Variants in PALD1 observed in about 807,000 individuals in gnomAD.
PALD1 encodes the protein phosphatase domain containing paladin 1.
In PALD1, 57 loss-of-function variants were observed where a neutral mutation model predicts 96.0. That is an observed-to-expected ratio of 0.59 (90% CI 0.48 to 0.74). PALD1 has a LOEUF of 0.74. Among genes scored for constraint, PALD1 ranks in the 30% least tolerant of loss-of-function variants. The pLI, the probability that PALD1 is intolerant of heterozygous loss-of-function variation, is 0.00. For synonymous variants in PALD1, 464 were observed against 473.6 expected (o/e 0.98, Z 0.26); for missense variants, 1,063 against 1,143.7 (o/e 0.93, Z 1.02).
intron 1 of PALD1, among the ~76,000 whole-genome samples, chr10:70,490,179 T>C (rs570130069): frequency 3.3e-5 from 5 of 152,100 alleles, no homozygotes; most frequent in African/African-American, 9.6e-5. Flanking sequence ...TGCCTCGGCC[T>C]CCCATAATGC....
intron 1 of PALD1, among the ~76,000 whole-genome samples, chr10:70,480,039 G>A (rs1589165709): frequency 6.6e-6 from 1 of 152,236 alleles, no homozygotes; most frequent in Non-Finnish European, 1.5e-5. Context: ...TGTAGGCTGC[G>A]AGAGTGCCAG....
At chr10:70,545,419 A>G (rs1393293164) in intron 17 of PALD1, among the ~76,000 whole-genome samples, 1 of 151,614 alleles carries the variant, frequency 6.6e-6, no homozygotes, top group Non-Finnish European at 1.5e-5. Context: ...ACTGCTGTGG[A>G]GGCAAAGGGG....
intron 1 of PALD1, among the ~76,000 whole-genome samples, chr10:70,510,436 G>A (rs1846488961): frequency 6.6e-6 from 1 of 152,166 alleles, no homozygotes; most frequent in Non-Finnish European, 1.5e-5. Flanking sequence ...GTGAGCACAT[G>A]AGCATTCCAG....
chr10:70,547,371 G>A lies in PALD1; in HGVS notation c.2187G>A (p.Ala729=), dbSNP rs768790443. Residue 729 remains alanine, a synonymous_variant, in exon 18 of 20, where the codon GCG becomes GCA. Coordinates refer to ENST00000263563, the MANE Select transcript of PALD1 (RefSeq NM_014431.3). ...GHRVKKEVDA[A]LDTVSETMTP... is the part of the protein sequence containing the mutation. ...GTGTGAAGAAGGAGGTGGACGCAGC[G>A]CTGGACACTGTCAGCGAGACCATGA... is the stretch of plus-strand genomic sequence containing the variant. 21 of 1,612,154 alleles carry A rather than the reference G, an allele frequency of 1.3e-5. No homozygotes were observed. The South Asian group carries it at 1.6e-4, about 13-fold the overall frequency.
chr10:70,525,841 G>A, intron 1 of PALD1, 82 bp from the exon 2 acceptor site: 1 of 1,080,292 alleles, frequency 9.3e-7, no homozygotes, highest in Admixed American at 1.8e-5. Context: ...TTCTCTGTAT[G>A]GTGGAGGGCG....
chr10:70,535,091 G>A lies in PALD1; in HGVS notation c.1227+248G>A, dbSNP rs564473814. On this transcript the variant is annotated intron_variant, in intron 10 of 19. Transcript: ENST00000263563. ...CAGAATAAACAGGACAGAGGAAGGG[G>A]CTGCTGGCCAGGGCTGCAGGGGCCC... Among the ~76,000 whole-genome samples, 13 of 152,334 alleles carry A rather than the reference G, an allele frequency of 8.5e-5. No individual in the cohort carries two copies. The South Asian group carries it at 2.7e-3, about 32-fold the overall frequency.
chr10:70,466,975 C>T, the PALD1 span, among the ~76,000 whole-genome samples: 3 of 152,152 alleles, frequency 2.0e-5, no homozygotes, highest in Non-Finnish European at 2.9e-5. Context: ...TTAACAATTT[C>T]GCTGCCTCCT....
chr10:70,523,753 G>A (rs1395234942), intron 1 of PALD1, among the ~76,000 whole-genome samples: 4 of 152,290 alleles, frequency 2.6e-5, no homozygotes, highest in South Asian at 2.1e-4. Flanking sequence ...GGTGACAGGC[G>A]TGAGTGGGGT....
chr10:70,464,212 C>CT, the PALD1 span, among the ~76,000 whole-genome samples: 51,188 of 132,552 alleles, frequency 0.39, 11,323 homozygotes, highest in East Asian at 0.62. Flanking sequence ...TTGTATCTGG[C>CT]TTTTTTTTTT....
chr10:70,459,087 TCCCAC>T, the PALD1 span, among the ~76,000 whole-genome samples: 1 of 78,824 alleles, frequency 1.3e-5, no homozygotes, highest in East Asian at 3.1e-4. Context: ...CCTTCCCCCA[TCCCAC>T]CCCACCCCAC....
intron 1 of PALD1, among the ~76,000 whole-genome samples, chr10:70,492,614 G>A (rs1369837735): frequency 4.6e-5 from 7 of 151,738 alleles, no homozygotes; most frequent in Non-Finnish European, 7.4e-5. Flanking sequence ...CTGCCACCAC[G>A]CCTGGCTAAT....
chr10:70,518,063 C>G (rs1259376378), intron 1 of PALD1, among the ~76,000 whole-genome samples: 1 of 152,112 alleles, frequency 6.6e-6, no homozygotes, highest in Non-Finnish European at 1.5e-5. Flanking sequence ...GCCATCACGC[C>G]TGGCTAATTT....
chr10:70,526,248 T>C, intron 2 of PALD1, 112 bp downstream of exon 2: 2 of 824,910 alleles, frequency 2.4e-6, no homozygotes, highest in East Asian at 2.6e-5. Context: ...GGATTCGGGT[T>C]CATAGATGAT....
chr10:70,523,994 A>G (rs1454470469), intron 1 of PALD1, among the ~76,000 whole-genome samples: 2 of 152,088 alleles, frequency 1.3e-5, no homozygotes, highest in African/African-American at 2.4e-5. Flanking sequence ...CAGCCTTCAG[A>G]CTGACCTGAC....
intron 18 of PALD1, among the ~76,000 whole-genome samples, chr10:70,556,556 C>T (rs773534899): frequency 2.6e-5 from 4 of 152,118 alleles, no homozygotes; most frequent in Admixed American, 6.5e-5. Flanking sequence ...GGGCTCAAGT[C>T]ATCCTCTCGC....
At chr10:70,559,178 G>A (rs1222973887) in intron 18 of PALD1, among the ~76,000 whole-genome samples, 5 of 152,188 alleles carry the variant, frequency 3.3e-5, no homozygotes, top group African/African-American at 1.2e-4. Flanking sequence ...GCAGTGAGGG[G>A]TGGTTAGGCA....
At chr10:70,508,784 C>CGT (rs111850326) in intron 1 of PALD1, among the ~76,000 whole-genome samples, 6,111 of 99,868 alleles carry the variant, frequency 0.061, 407 homozygotes, top group African/African-American at 0.13. Flanking sequence ...CTCTGTATGG[C>CGT]GTGTGTGTGT....
At chr10:70,532,502 G>A (rs10999378) in intron 5 of PALD1, 119 bp from the exon 6 acceptor site, 1 of 970,866 alleles carries the variant, frequency 1.0e-6, no homozygotes, top group Non-Finnish European at 1.5e-6. Context: ...TCCCTCATGG[G>A]GGGCAGAAGC....
intron 18 of PALD1, among the ~76,000 whole-genome samples, chr10:70,562,769 CT>C (rs1564714009): frequency 6.6e-6 from 1 of 151,690 alleles, no homozygotes; most frequent in Non-Finnish European, 1.5e-5. Context: ...GGGGAGGGTG[CT>C]GGGTGGGTGA....
Sources: allele counts gnomAD v4.1 joint callset (sites outside exome capture counted in the v4.1 genomes callset), GRCh38; gene constraint gnomAD v4.1.1; transcripts MANE v1.5; gene names NCBI Gene and HGNC (gene_info 2026-07-23, HGNC 2026-07-21).